The following SPATA16 variants were observed in gnomAD, a reference collection of about 807,000 sequenced individuals.
SPATA16 encodes spermatogenesis associated 16, also known as spermatogenesis-associated protein 16.
SPATA16 carries 36 observed loss-of-function variants against 63.3 expected under a neutral mutation model. The observed-to-expected ratio is 0.57, with a 90% CI of 0.44 to 0.75. SPATA16 has a LOEUF of 0.75. Ranked by LOEUF, SPATA16 falls within the 30% of genes least tolerant of loss-of-function variation. SPATA16 has a pLI of 0.00. For synonymous variants in SPATA16, 203 were observed against 216.7 expected (o/e 0.94, Z 0.56); for missense variants, 646 against 679.3 (o/e 0.95, Z 0.54).
intron 2 of SPATA16, among the ~76,000 whole-genome samples, chr3:173,076,554 C>G (rs1280033212): frequency 1.3e-5 from 2 of 151,640 alleles, no homozygotes; most frequent in African/African-American, 4.8e-5. Context: ...ATCTTTCACA[C>G]CTAAAATTTT....
chr3:173,001,226 C>T (rs1734816057), intron 4 of SPATA16, among the ~76,000 whole-genome samples: 1 of 149,728 alleles, frequency 6.7e-6, no homozygotes, highest in South Asian at 2.1e-4. Context: ...TTTTAGTGAG[C>T]CTGTGCCTTT....
rs1158018027 is a variant in SPATA16, at chr3:173,117,153, G to A, written c.579C>T (p.Ala193=). The change falls in exon 2 of 11, where the codon GCC becomes GCT. Residue 193 remains alanine (A), a synonymous_variant. Transcript: ENST00000351008. Reference sequence around the variant, plus strand: ...CTGTTCTGAACTGTCCTGCTGCCAAGGCGTATTTCTTTTGTCTATAGCAAG... The same window carrying A: ...CTGTTCTGAACTGTCCTGCTGCCAAAGCGTATTTCTTTTGTCTATAGCAAG... The part of the protein sequence containing the change: ...ASSCYRQKKY[A]LAAGQFRTAL... 1.2e-6 allele frequency: 2 copies of A among 1,614,056 alleles called. No individual in the cohort carries two copies. Among genetic ancestry groups the A allele is most frequent in the South Asian group, 1.1e-5 (1 of 91,080 alleles).
intron 3 of SPATA16, among the ~76,000 whole-genome samples, chr3:173,040,293 T>C (rs1400899843): frequency 6.6e-6 from 1 of 152,160 alleles, no homozygotes; most frequent in Non-Finnish European, 1.5e-5. Flanking sequence ...TTTGCTTTAA[T>C]CTTCATTATC....
At chr3:172,990,472 A>G (rs1734549842) in intron 4 of SPATA16, among the ~76,000 whole-genome samples, 1 of 152,188 alleles carries the variant, frequency 6.6e-6, no homozygotes, top group Non-Finnish European at 1.5e-5. Flanking sequence ...ACTATAATAC[A>G]TAAACTAGTA....
At chr3:173,134,707 T>A (rs1390248371) in intron 1 of SPATA16, among the ~76,000 whole-genome samples, 1 of 152,176 alleles carries the variant, frequency 6.6e-6, no homozygotes, top group East Asian at 1.9e-4. Context: ...TTACCCAGTC[T>A]CAGGTATTCT....
At chr3:172,917,214 G>A (rs1329127822) in intron 8 of SPATA16, among the ~76,000 whole-genome samples, 1 of 152,220 alleles carries the variant, frequency 6.6e-6, no homozygotes, top group Non-Finnish European at 1.5e-5. Flanking sequence ...ATCCACAAAA[G>A]AGGAGACATT....
chr3:173,100,619 A>C (rs1021364123), intron 2 of SPATA16, among the ~76,000 whole-genome samples: 1 of 151,492 alleles, frequency 6.6e-6, no homozygotes, highest in African/African-American at 2.4e-5. Context: ...TCTAGGAAAC[A>C]TCCAAAATAG....
At chr3:172,958,786 C>T (rs74878981) in intron 5 of SPATA16, among the ~76,000 whole-genome samples, 6,344 of 151,972 alleles carry the variant, frequency 0.042, 435 homozygotes, top group African/African-American at 0.15. Context: ...TGTGTGTGCA[C>T]GCACGTGTGT....
chr3:172,981,374 CAG>C (rs1428627636), intron 4 of SPATA16, among the ~76,000 whole-genome samples: 5 of 152,188 alleles, frequency 3.3e-5, no homozygotes, highest in African/African-American at 1.2e-4. Flanking sequence ...CTGTCTCTCT[CAG>C]AGTGAAAAAC....
At chr3:173,013,240 G>T (rs1400293554) in intron 4 of SPATA16, among the ~76,000 whole-genome samples, 1 of 152,152 alleles carries the variant, frequency 6.6e-6, no homozygotes, top group Non-Finnish European at 1.5e-5. Context: ...CAGTTGGAAA[G>T]GTTGTTACTA....
At chr3:173,001,265 G>GTTGTTTTTTTTTT (rs1553790830) in intron 4 of SPATA16, among the ~76,000 whole-genome samples, 71 of 133,974 alleles carry the variant, frequency 5.3e-4, no homozygotes, top group East Asian at 1.6e-3. Flanking sequence ...ATGCTTCTCA[G>GTTGTTTTTTTTTT]TTGTTTTTTT....
Position 172,906,803 on chromosome 3 carries a change from G to A in SPATA16, c.1587+6858C>T, listed in dbSNP as rs188949734. ...GTTGCCCAGGCTGGAATGCAGTGGC[G>A]CAATCTTGGCTCACTGCAACCTCCG... On this transcript the variant is annotated intron_variant, in intron 10 of 10. Transcript: ENST00000351008. 1.6e-4 allele frequency among the ~76,000 whole-genome samples: 25 copies of A among 152,112 alleles called. No individual in the cohort carries two copies. The East Asian group carries it at 3.9e-3, about 24-fold the overall frequency.
At chr3:173,043,835 T>C (rs1735901358) in intron 3 of SPATA16, among the ~76,000 whole-genome samples, 1 of 151,902 alleles carries the variant, frequency 6.6e-6, no homozygotes, top group Non-Finnish European at 1.5e-5. Flanking sequence ...ATTTTTTAAC[T>C]TTTATTTATA....
At chr3:172,901,141 TAA>T (rs1194164396) in intron 10 of SPATA16, among the ~76,000 whole-genome samples, 1 of 152,236 alleles carries the variant, frequency 6.6e-6, no homozygotes, top group African/African-American at 2.4e-5. Flanking sequence ...GTTTTTCACT[TAA>T]ATGTGTTTGT....
At chr3:173,014,561 C>T (rs1735138664) in intron 4 of SPATA16, among the ~76,000 whole-genome samples, 2 of 152,126 alleles carry the variant, frequency 1.3e-5, no homozygotes, top group Non-Finnish European at 2.9e-5. Flanking sequence ...GTAATAAACC[C>T]GCACATGTAT....
intron 3 of SPATA16, among the ~76,000 whole-genome samples, chr3:173,020,780 C>G (rs1462622009): frequency 6.6e-6 from 1 of 152,184 alleles, no homozygotes; most frequent in Admixed American, 6.5e-5. Context: ...AATGTAGCTT[C>G]TACTGTATTT....
chr3:173,134,482 C>A (rs1187901220), intron 1 of SPATA16, among the ~76,000 whole-genome samples: 1 of 151,152 alleles, frequency 6.6e-6, no homozygotes, highest in African/African-American at 2.4e-5. Context: ...GAGCAAGACT[C>A]TGCCTCAAAA....
intron 5 of SPATA16, among the ~76,000 whole-genome samples, chr3:172,958,277 G>T (rs898881487): frequency 1.3e-5 from 2 of 152,206 alleles, no homozygotes; most frequent in African/African-American, 4.8e-5. Context: ...TGGGGATAAT[G>T]CAGGCAGCAG....
chr3:172,962,143 C>T (rs1005564076), intron 5 of SPATA16, among the ~76,000 whole-genome samples: 4 of 148,414 alleles, frequency 2.7e-5, no homozygotes, highest in Non-Finnish European at 5.9e-5. Flanking sequence ...ATACCAGCTA[C>T]TTGGGAGGCC....
Sources: gnomAD v4.1 joint callset for allele counts (sites outside exome capture counted in the v4.1 genomes callset) on GRCh38, gnomAD v4.1.1 for gene constraint, MANE v1.5 for transcripts, NCBI Gene and HGNC (gene_info 2026-07-23, HGNC 2026-07-21) for gene names.